IQSEC2: variants seen among roughly 807,000 people sequenced by gnomAD.
The protein encoded by IQSEC2 is IQ motif and SEC7 domain-containing protein 2.
IQSEC2 carries 6 observed loss-of-function variants against 74.6 expected under a neutral mutation model. The observed-to-expected ratio is 0.08, with a 90% CI of 0.04 to 0.16. The LOEUF (loss-of-function observed/expected upper bound fraction) is 0.16, where lower values mean the gene tolerates loss of function less well. IQSEC2 is among the 10% of genes least tolerant of loss of function. The pLI, the probability that IQSEC2 is intolerant of heterozygous loss-of-function variation, is 1.00. For missense variants in IQSEC2, 734 were observed against 1,306.2 expected, an observed-to-expected ratio of 0.56 and a Z score of 6.75; for synonymous variants, 494 against 544.5, an observed-to-expected ratio of 0.91 and a Z score of 1.29.
At chrX:53,297,653 G>A (rs952251154) in intron 1 of IQSEC2, among the ~76,000 whole-genome samples, 1 of 111,240 alleles carries the variant, frequency 9.0e-6, no homozygotes, top group Non-Finnish European at 1.9e-5. Context: ...TTTTTTTGTC[G>A]GCTTAGTTCT....
intron 2 of IQSEC2, among the ~76,000 whole-genome samples, chrX:53,275,291 G>A (rs782810269): frequency 3.6e-5 from 4 of 110,610 alleles, no homozygotes; most frequent in Non-Finnish European, 5.7e-5. Flanking sequence ...TCATCCTGCC[G>A]AGTTGGGATT....
intron 5 of IQSEC2, among the ~76,000 whole-genome samples, chrX:53,249,760 C>T (rs782146517): frequency 8.9e-6 from 1 of 111,969 alleles, no homozygotes; most frequent in East Asian, 2.8e-4. Flanking sequence ...AGACCAGGCA[C>T]CTAGAAAGAG....
downstream of IQSEC2, chrX:53,227,687 T>A: frequency 1.2e-5 from 3 of 245,866 alleles, no homozygotes; most frequent in Non-Finnish European, 2.2e-5. Flanking sequence ...GTGAGGAGAA[T>A]CTAGAAGGTG....
Position 53,250,984 on chromosome X carries a change from C to G in IQSEC2, c.1592G>C (p.Arg531Pro), listed in dbSNP as rs149027201. 367 of 1,210,403 alleles carry G rather than the reference C, an allele frequency of 3.0e-4. No homozygotes were observed. The highest frequency in any genetic ancestry group is 3.1e-4 in the Non-Finnish European group (278 of 895,266). ...DDTVPQQSPE[R>P]LPSTEPPPQG... ...GGGTGGGGGTTCTGTGCTGGGCAGT[C>G]GCTCAGGGGATTGTTGGGGAACTGT... Residue 531 changes from arginine to proline, a missense_variant, in exon 5 of 15, where the codon CGA (arginine) becomes CCA (proline). Physicochemically the swap from Arg to Pro is moderately radical, Grantham distance 103. Transcript: ENST00000642864.
intron 10 of IQSEC2, 42 bp downstream of exon 10, chrX:53,241,742 C>T: frequency 8.3e-7 from 1 of 1,207,622 alleles, no homozygotes; most frequent in Non-Finnish European, 1.1e-6. Context: ...AGGTGTCAAG[C>T]TCACTCTCTC....
At chrX:53,235,909 C>A in intron 13 of IQSEC2, 77 bp from the exon 14 acceptor site, 1 of 990,301 alleles carries the variant, frequency 1.0e-6, no homozygotes, top group Non-Finnish European at 1.4e-6. Context: ...AGCTGGGCAC[C>A]AGGACTGGGC....
chrX:53,241,527 C>T (rs963888849), intron 10 of IQSEC2, among the ~76,000 whole-genome samples: 1 of 111,835 alleles, frequency 8.9e-6, no homozygotes, highest in African/African-American at 3.3e-5. Context: ...TACCACTTCC[C>T]AGGTTGTAAG....
At chrX:53,290,645 G>A (rs1198465200) in intron 2 of IQSEC2, among the ~76,000 whole-genome samples, 1 of 112,151 alleles carries the variant, frequency 8.9e-6, no homozygotes, top group Admixed American at 9.4e-5. Flanking sequence ...CACTGGGACT[G>A]ATTGCATTAA....
chrX:53,273,430 G>A (rs1389260136), intron 2 of IQSEC2, among the ~76,000 whole-genome samples: 1 of 111,466 alleles, frequency 9.0e-6, no homozygotes, highest in Non-Finnish European at 1.9e-5. Context: ...GTCAGCACAA[G>A]GCCTAATCTA....
chrX:53,288,794 CAA>C (rs1456040367), intron 2 of IQSEC2, among the ~76,000 whole-genome samples: 1 of 112,400 alleles, frequency 8.9e-6, no homozygotes, highest in African/African-American at 3.2e-5. Context: ...AGTGATTCTG[CAA>C]AGAGTGCACA....
chrX:53,265,425 G>A (rs1042010798), intron 2 of IQSEC2, among the ~76,000 whole-genome samples: 7 of 111,401 alleles, frequency 6.3e-5, no homozygotes, highest in African/African-American at 2.3e-4. Flanking sequence ...TGCTGGGCTC[G>A]TTGTGTTCTT....
intron 2 of IQSEC2, among the ~76,000 whole-genome samples, chrX:53,262,916 G>T (rs1556866816): frequency 8.9e-6 from 1 of 112,663 alleles, no homozygotes; most frequent in African/African-American, 3.2e-5. Flanking sequence ...CTCTGAGGAG[G>T]ACAGCACAGA....
chrX:53,248,797 G>A lies in IQSEC2; in HGVS notation c.2383C>T (p.Arg795Trp). 8.3e-7 allele frequency: 1 copy of A among 1,210,947 alleles called. No individual in the cohort carries two copies. Among genetic ancestry groups the A allele is most frequent in the Non-Finnish European group, 1.1e-6 (1 of 895,112 alleles). The change falls in exon 6 of 15, where the codon CGG (arginine) becomes TGG (tryptophan). Residue 795 changes from arginine (R) to tryptophan (W), a missense_variant. Physicochemically the swap from Arg to Trp is moderately radical, Grantham distance 101 (BLOSUM62 -3). Coordinates refer to ENST00000642864, the MANE Select transcript of IQSEC2 (RefSeq NM_001111125.3). ...ATCATCTGCCGGCTGAGGCCTTTCCGCTCCAGGATGAAGTGAGCCACTCCC... is the reference window on the plus strand; with the variant it reads ...ATCATCTGCCGGCTGAGGCCTTTCCACTCCAGGATGAAGTGAGCCACTCCC... ...PVGVAHFILE[R>W]KGLSRQMIGE...
chrX:53,320,016 G>C (rs928292754), intron 1 of IQSEC2, among the ~76,000 whole-genome samples: 4 of 109,957 alleles, frequency 3.6e-5, no homozygotes, highest in Non-Finnish European at 7.6e-5. Context: ...AGGCGGGGGT[G>C]GGGGGCTTTC....
At chrX:53,279,432 C>G in intron 2 of IQSEC2, 2 of 449,969 alleles carry the variant, frequency 4.4e-6, no homozygotes, top group Admixed American at 7.2e-5. Context: ...CTTCCAGGCA[C>G]TCTCCTCATA....
Position 53,271,048 on chromosome X carries a change from A to T in IQSEC2, c.738-14987T>A, listed in dbSNP as rs183056419. ...TGGCTCTCCAACTGCCTACCAAAAAAAAAATAAAATAAAATAAAAAGCCTA... is the reference window on the plus strand; with the variant it reads ...TGGCTCTCCAACTGCCTACCAAAAATAAAATAAAATAAAATAAAAAGCCTA... On this transcript the variant is annotated intron_variant, in intron 2 of 14. Transcript: ENST00000642864. Among the ~76,000 whole-genome samples, 663 of 111,360 alleles carry T rather than the reference A, an allele frequency of 6.0e-3. 2 individuals carry two copies. The highest frequency in any genetic ancestry group is 0.024 in the South Asian group (64 of 2,651).
chrX:53,238,348 T>C (rs782391551), intron 11 of IQSEC2, 42 bp from the exon 12 acceptor site: 1 of 1,154,780 alleles, frequency 8.7e-7, no homozygotes, highest in Non-Finnish European at 1.2e-6. Context: ...TTGGGACTGG[T>C]GCAAGGTGGC....
At chrX:53,249,303 A>G (rs1356962629) in intron 5 of IQSEC2, among the ~76,000 whole-genome samples, 3 of 111,668 alleles carry the variant, frequency 2.7e-5, no homozygotes, top group Non-Finnish European at 5.7e-5. Context: ...CCCACATCCC[A>G]CTCAGGCAGG....
intron 1 of IQSEC2, among the ~76,000 whole-genome samples, chrX:53,304,663 GC>G (rs2075243117): frequency 8.9e-6 from 1 of 112,063 alleles, no homozygotes; most frequent in South Asian, 3.7e-4. Context: ...AACCAAGAGA[GC>G]CTTGAATACC....
Sources: gnomAD v4.1 joint callset for allele counts (sites outside exome capture counted in the v4.1 genomes callset) on GRCh38, gnomAD v4.1.1 for gene constraint, MANE v1.5 for transcripts, NCBI Gene and HGNC (gene_info 2026-07-23, HGNC 2026-07-21) for gene names.